The following TTLL6 variants were observed in gnomAD, a reference collection of about 807,000 sequenced individuals.
TTLL6 encodes the protein tubulin tyrosine ligase like 6, also known as tubulin polyglutamylase TTLL6.
TTLL6 carries 75 observed loss-of-function variants against 96.4 expected under a neutral mutation model. The observed-to-expected ratio is 0.78, with a 90% CI of 0.65 to 0.94. The LOEUF (loss-of-function observed/expected upper bound fraction) is 0.94, where lower values mean the gene tolerates loss of function less well. Ranked by LOEUF, TTLL6 falls within the 40% of genes least tolerant of loss-of-function variation. TTLL6 has a pLI of 0.00. For synonymous variants in TTLL6, 411 were observed against 419.4 expected (o/e 0.98, Z 0.24); for missense variants, 1,030 against 1,093.0 (o/e 0.94, Z 0.81).
chr17:48,791,587 T>A lies in TTLL6; in HGVS notation c.1015A>T (p.Ser339Cys). 1 of 1,611,732 alleles carries A rather than the reference T, an allele frequency of 6.2e-7. No individual in the cohort carries two copies. The highest frequency in any genetic ancestry group is 1.7e-4 in the Middle Eastern group (1 of 6,058). The change falls in exon 9 of 16, where the codon AGT becomes TGT. Residue 339 changes from serine (S) to cysteine (C), a missense_variant. Coordinates refer to ENST00000393382, the MANE Select transcript of TTLL6 (RefSeq NM_001130918.3). ...SGSKRKLSTF[S>C]AYLEDHSYNV... Reference sequence around the variant, plus strand: ...TAGCTGTGGTCCTCCAAGTATGCACTGAAGGTGGAGAGCTTCCTGGAAGGG... The same window carrying A: ...TAGCTGTGGTCCTCCAAGTATGCACAGAAGGTGGAGAGCTTCCTGGAAGGG...
chr17:48,779,353 C>CAAAAAAA (rs35763170), intron 13 of TTLL6, among the ~76,000 whole-genome samples: 11 of 46,248 alleles, frequency 2.4e-4, no homozygotes, highest in Non-Finnish European at 3.7e-4. Context: ...GACTCTGTCT[C>CAAAAAAA]AAAAAAAAAA....
intron 1 of TTLL6, chr17:48,816,001 CTT>C (rs2039662771): frequency 6.6e-6 from 1 of 152,172 alleles, no homozygotes; most frequent in African/African-American, 2.4e-5. Context: ...GGGTGAGTAA[CTT>C]AGCCTCTCTG....
At chr17:48,770,818 G>A (rs865898829) in intron 13 of TTLL6, among the ~76,000 whole-genome samples, 15 of 151,778 alleles carry the variant, frequency 9.9e-5, no homozygotes, top group African/African-American at 3.6e-4. Context: ...CCTGCCTCCT[G>A]GAGGCAGGAG....
chr17:48,794,956 T>C (rs1329172762), intron 8 of TTLL6, among the ~76,000 whole-genome samples: 4 of 152,184 alleles, frequency 2.6e-5, no homozygotes, highest in East Asian at 3.8e-4. Context: ...ATCTGTAAGA[T>C]GGAGATGGCA....
intron 1 of TTLL6, among the ~76,000 whole-genome samples, chr17:48,809,767 G>A (rs1046747848): frequency 6.6e-6 from 1 of 151,784 alleles, no homozygotes; most frequent in African/African-American, 2.4e-5. Context: ...GAGGTAGGAG[G>A]ATTGCTTGAG....
Position 48,801,349 on chromosome 17 carries a change from G to A in TTLL6, c.517C>T (p.Arg173Trp), listed in dbSNP as rs184362955. 3.7e-4 allele frequency: 576 copies of A among 1,551,564 alleles called. 3 individuals are homozygous for A. In the Admixed American group the frequency reaches 6.6e-3, roughly 18 times the overall value. ...NHFPGMSEICRKDLLARNMSR... is the reference protein window; with the variant it reads ...NHFPGMSEICWKDLLARNMSR... ...ATGTTCCTGGCCAGCAAGTCCTTCC[G>A]GCAGATTTCACTCATCCCGGGGAAG... The change falls in exon 5 of 16, where the codon CGG becomes TGG. Residue 173 changes from arginine (R) to tryptophan (W), a missense_variant. Coordinates refer to ENST00000393382, the MANE Select transcript of TTLL6 (RefSeq NM_001130918.3).
chr17:48,791,769 G>T (rs1285249948), intron 8 of TTLL6, among the ~76,000 whole-genome samples, 166 bp from the exon 9 acceptor site: 1 of 152,108 alleles, frequency 6.6e-6, no homozygotes, highest in African/African-American at 2.4e-5. Flanking sequence ...TGCCAGATGA[G>T]GTCCCAGGAA....
chr17:48,785,530 C>T (rs538427410), intron 12 of TTLL6, among the ~76,000 whole-genome samples: 2 of 152,292 alleles, frequency 1.3e-5, no homozygotes, highest in East Asian at 3.9e-4. Context: ...AAAATCCCTG[C>T]TCTAATCCAG....
chr17:48,816,300 A>G (rs1239969691), intron 1 of TTLL6, among the ~76,000 whole-genome samples: 1 of 151,868 alleles, frequency 6.6e-6, no homozygotes, highest in Non-Finnish European at 1.5e-5. Flanking sequence ...CTTAAAACAA[A>G]CAAAAAAGAA....
chr17:48,797,953 A>G (rs1456072132), intron 6 of TTLL6, among the ~76,000 whole-genome samples: 2 of 151,712 alleles, frequency 1.3e-5, no homozygotes, highest in Non-Finnish European at 2.9e-5. Context: ...AAATTCAAAA[A>G]AAGAATTAGC....
chr17:48,805,657 G>T (rs2039494403), intron 1 of TTLL6, among the ~76,000 whole-genome samples: 1 of 152,114 alleles, frequency 6.6e-6, no homozygotes, highest in Admixed American at 6.5e-5. Context: ...GGCCCCATGA[G>T]ATTTCGTTCA....
chr17:48,786,486 G>A, intron 11 of TTLL6, 151 bp from the exon 12 acceptor site: 4 of 912,476 alleles, frequency 4.4e-6, no homozygotes, highest in South Asian at 3.1e-5. Context: ...GTGATTGAAT[G>A]TCAAGGAGCA....
chr17:48,804,890 T>C lies in TTLL6; in HGVS notation c.205A>G (p.Ser69Gly). 6.4e-7 allele frequency: 1 copy of C among 1,552,298 alleles called. No homozygotes were observed. The highest frequency in any genetic ancestry group is 2.4e-5 in the East Asian group (1 of 40,928). ...EGENSEEKGDSSKEDPKETVA... is the reference protein window; with the variant it reads ...EGENSEEKGDGSKEDPKETVA... ...GTTTCTTTTGGATCTTCTTTGGAACTGTCCCCCTTCTCTTCGGAGTTTTCC... is the reference window on the plus strand; with the variant it reads ...GTTTCTTTTGGATCTTCTTTGGAACCGTCCCCCTTCTCTTCGGAGTTTTCC... Residue 69 changes from serine to glycine, a missense_variant, in exon 2 of 16, where the codon AGT (serine) becomes GGT (glycine). Physicochemically the swap from Ser to Gly is moderately conservative, Grantham distance 56. Transcript: ENST00000393382.
chr17:48,788,422 C>T (rs762792579), intron 10 of TTLL6, among the ~76,000 whole-genome samples: 3 of 152,212 alleles, frequency 2.0e-5, no homozygotes, highest in Non-Finnish European at 2.9e-5. Flanking sequence ...CTGCAATGAT[C>T]TCATTCTTCC....
intron 15 of TTLL6, among the ~76,000 whole-genome samples, chr17:48,763,778 G>A (rs555337532): frequency 1.3e-5 from 2 of 151,898 alleles, no homozygotes; most frequent in South Asian, 2.1e-4. Flanking sequence ...CAGCCTGAGC[G>A]ACAGAGCAAG....
chr17:48,794,614 G>A (rs910273633), intron 8 of TTLL6, among the ~76,000 whole-genome samples: 6 of 152,196 alleles, frequency 3.9e-5, no homozygotes, highest in African/African-American at 1.2e-4. Context: ...GGAGGAAGTC[G>A]CAGAGCTTCA....
chr17:48,797,104 C>T lies in TTLL6; in HGVS notation c.869G>A (p.Arg290His), dbSNP rs977156917. The change falls in exon 7 of 16, where the codon CGC becomes CAC. Residue 290 changes from arginine (R) to histidine (H), a missense_variant. Physicochemically the swap from Arg to His is conservative, Grantham distance 29. Coordinates refer to ENST00000393382, the MANE Select transcript of TTLL6 (RefSeq NM_001130918.3). ...RIFVYNEGLA[R>H]FATTSYSRPC... ...GCGGGAGTAAGAGGTCGTCGCAAAG[C>T]GGGCCAGTCCTTCATTGTACACAAA... The T allele has an allele frequency of 1.1e-5, 17 of 1,551,278 alleles. No homozygotes were observed. In the Admixed American group the frequency reaches 1.2e-4, roughly 11 times the overall value.
chr17:48,805,029 C>A (rs1271717495), intron 1 of TTLL6, 38 bp from the exon 2 acceptor site: 3 of 1,494,788 alleles, frequency 2.0e-6, no homozygotes, highest in South Asian at 1.2e-5. Context: ...TTACAGAGAT[C>A]CACCTGCAGG....
chr17:48,784,753 G>A (rs967517042), intron 13 of TTLL6, among the ~76,000 whole-genome samples, 170 bp downstream of exon 13: 7 of 152,276 alleles, frequency 4.6e-5, no homozygotes, highest in East Asian at 1.9e-4. Context: ...CCTAAATGCC[G>A]GTCCTCCCAG....
Sources: gnomAD v4.1 joint callset for allele counts (sites outside exome capture counted in the v4.1 genomes callset) on GRCh38, gnomAD v4.1.1 for gene constraint, MANE v1.5 for transcripts, NCBI Gene and HGNC (gene_info 2026-07-23, HGNC 2026-07-21) for gene names.